Variants in MVB12B observed in about 807,000 individuals in gnomAD.
MVB12B encodes multivesicular body subunit 12B, also known as ESCRT-I complex subunit MVB12B.
MVB12B carries 16 observed loss-of-function variants against 41.6 expected under a neutral mutation model. The observed-to-expected ratio is 0.38, with a 90% CI of 0.26 to 0.58. The LOEUF is 0.58. Among genes scored for constraint, MVB12B ranks in the 20% least tolerant of loss-of-function variants. MVB12B has a pLI of 0.62. For missense variants in MVB12B, 274 were observed against 380.2 expected, an observed-to-expected ratio of 0.72 and a Z score of 2.32; for synonymous variants, 133 against 139.7, an observed-to-expected ratio of 0.95 and a Z score of 0.34.
chr9:126,474,015 G>A (rs1383091921), intron 7 of MVB12B, among the ~76,000 whole-genome samples: 1 of 152,208 alleles, frequency 6.6e-6, no homozygotes, highest in East Asian at 1.9e-4. Context: ...CCAGGGCCTG[G>A]AGAGAGGGCC....
chr9:126,371,676 A>G (rs985970465), intron 2 of MVB12B, among the ~76,000 whole-genome samples: 5 of 152,194 alleles, frequency 3.3e-5, no homozygotes, highest in Admixed American at 6.5e-5. Flanking sequence ...TCATGGTTCA[A>G]TGGTTCAATC....
At chr9:126,489,103 G>A (rs929197735) in intron 9 of MVB12B, among the ~76,000 whole-genome samples, 1 of 152,214 alleles carries the variant, frequency 6.6e-6, no homozygotes, top group Admixed American at 6.5e-5. Flanking sequence ...GAGCCCCAGG[G>A]AGCATGCGCT....
chr9:126,336,318 T>G (rs1026449963), intron 1 of MVB12B, among the ~76,000 whole-genome samples: 1 of 152,220 alleles, frequency 6.6e-6, no homozygotes, highest in Non-Finnish European at 1.5e-5. Context: ...GTAGCTCTGT[T>G]TTCTCCCAGA....
At chr9:126,339,445 C>T (rs1829376424) in intron 1 of MVB12B, among the ~76,000 whole-genome samples, 1 of 152,190 alleles carries the variant, frequency 6.6e-6, no homozygotes, top group Non-Finnish European at 1.5e-5. Context: ...TACTTAGGTT[C>T]ATTTACATAT....
chr9:126,351,160 T>C (rs1485770347), intron 2 of MVB12B, among the ~76,000 whole-genome samples: 3 of 152,248 alleles, frequency 2.0e-5, no homozygotes, highest in Admixed American at 6.5e-5. Context: ...ATAAATGGAA[T>C]TGTACTTTTA....
At position 126,454,378 on chromosome 9, in the gene MVB12B, G is replaced by A. The variant is rs1326179234; in HGVS notation, c.758-26991G>A. On this transcript the variant is annotated intron_variant, in intron 7 of 9. Coordinates refer to ENST00000361171, the MANE Select transcript of MVB12B (RefSeq NM_033446.3). ...TTTCCTTCATCCCCCTAATTCATTTGTGTTCAGCTAGAGCCTAGTGGGGCA... is the reference window on the plus strand; with the variant it reads ...TTTCCTTCATCCCCCTAATTCATTTATGTTCAGCTAGAGCCTAGTGGGGCA... Among the ~76,000 whole-genome samples the A allele has an allele frequency of 4.6e-5, 7 of 152,230 alleles. No individual in the cohort carries two copies. The East Asian group carries it at 1.3e-3, about 29-fold the overall frequency.
At chr9:126,424,204 G>A (rs1376532221) in intron 7 of MVB12B, among the ~76,000 whole-genome samples, 1 of 152,232 alleles carries the variant, frequency 6.6e-6, no homozygotes, top group African/African-American at 2.4e-5. Flanking sequence ...TAATGTGTAT[G>A]TATGGTTGTT....
At chr9:126,420,688 A>G (rs926293762) in intron 6 of MVB12B, among the ~76,000 whole-genome samples, 3 of 147,362 alleles carry the variant, frequency 2.0e-5, no homozygotes, top group Non-Finnish European at 3.0e-5. Flanking sequence ...GGTTCAAGCA[A>G]TTCTCCCGCC....
At chr9:126,472,786 G>A (rs892766740) in intron 7 of MVB12B, among the ~76,000 whole-genome samples, 10 of 152,058 alleles carry the variant, frequency 6.6e-5, no homozygotes, top group Admixed American at 5.2e-4. Context: ...AAGCATGATC[G>A]TTATGATAAA....
intron 2 of MVB12B, among the ~76,000 whole-genome samples, chr9:126,351,227 G>A (rs1055422373): frequency 6.6e-6 from 1 of 152,056 alleles, no homozygotes; most frequent in Non-Finnish European, 1.5e-5. Flanking sequence ...ATTTTTATAG[G>A]TTTATCTTAC....
At chr9:126,438,271 GA>G (rs1189171243) in intron 7 of MVB12B, among the ~76,000 whole-genome samples, 1 of 152,068 alleles carries the variant, frequency 6.6e-6, no homozygotes, top group Non-Finnish European at 1.5e-5. Context: ...TTTGAAGAAG[GA>G]AAAACCCAGA....
chr9:126,341,294 C>T (rs1374753674), intron 2 of MVB12B, among the ~76,000 whole-genome samples: 1 of 152,190 alleles, frequency 6.6e-6, no homozygotes, highest in Non-Finnish European at 1.5e-5. Context: ...ATGATTGGAA[C>T]TGGTTATGTT....
intron 3 of MVB12B, among the ~76,000 whole-genome samples, chr9:126,382,855 G>A (rs751986941): frequency 6.6e-6 from 1 of 152,168 alleles, no homozygotes; most frequent in Non-Finnish European, 1.5e-5. Flanking sequence ...TTAGCATTGG[G>A]TGTCATGGGT....
rs1490213003 is a variant in MVB12B at position 126,503,878 on chromosome 9, TG to T, written c.*617del. 1.3e-5 allele frequency: 2 copies of T among 152,408 alleles called. No homozygotes were observed. Among genetic ancestry groups the T allele is most frequent in the East Asian group, 3.9e-4 (2 of 5,190 alleles). 9.4% of individuals were successfully genotyped at this position (152,408 alleles called of 1,614,324 possible). A position where few individuals can be genotyped will look rare whatever the true frequency, so the allele number is the denominator to read the frequency against. ...CCCATGGACTTGTCACCCAGTCGCC[TG>T]GAAGTCGGGGAGCAGCACCCCTGCC... is the stretch of plus-strand genomic sequence containing the variant. On this transcript the variant is annotated 3_prime_UTR_variant, in exon 10 of 10. Coordinates refer to ENST00000361171, the MANE Select transcript of MVB12B (RefSeq NM_033446.3).
intron 1 of MVB12B, among the ~76,000 whole-genome samples, chr9:126,332,710 AC>A (rs1209364929): frequency 1.2e-5 from 1 of 81,126 alleles, no homozygotes; most frequent in Non-Finnish European, 2.5e-5. Context: ...ATGTGGCCCC[AC>A]CCCTTTATGT....
chr9:126,446,532 C>T (rs1447903728), intron 7 of MVB12B, among the ~76,000 whole-genome samples: 3 of 147,978 alleles, frequency 2.0e-5, no homozygotes, highest in African/African-American at 7.4e-5. Context: ...AAAAAAAATC[C>T]TGTCTGAACT....
At chr9:126,362,684 A>C (rs1207572244) in intron 2 of MVB12B, among the ~76,000 whole-genome samples, 1 of 152,254 alleles carries the variant, frequency 6.6e-6, no homozygotes, top group Non-Finnish European at 1.5e-5. Flanking sequence ...CATTCTCTCA[A>C]ATTACCAAGG....
intron 2 of MVB12B, among the ~76,000 whole-genome samples, chr9:126,362,577 A>G (rs1830056643): frequency 6.6e-6 from 1 of 152,242 alleles, no homozygotes; most frequent in Non-Finnish European, 1.5e-5. Context: ...CTATCTAAGA[A>G]CAAATCCTAA....
At chr9:126,374,194 C>T (rs1340111825) in intron 2 of MVB12B, among the ~76,000 whole-genome samples, 1 of 152,212 alleles carries the variant, frequency 6.6e-6, no homozygotes, top group African/African-American at 2.4e-5. Flanking sequence ...CCCATCTTAC[C>T]AGGCTCCAGT....
Sources: gnomAD v4.1 joint callset for allele counts (sites outside exome capture counted in the v4.1 genomes callset) on GRCh38, gnomAD v4.1.1 for gene constraint, MANE v1.5 for transcripts, NCBI Gene and HGNC (gene_info 2026-07-23, HGNC 2026-07-21) for gene names.